SLC2A13: variants seen among roughly 807,000 people sequenced by gnomAD.
SLC2A13 encodes the protein solute carrier family 2 member 13.
Under a neutral mutation model 64.4 loss-of-function variants are expected in SLC2A13, and 32 were observed. The ratio of observed to expected loss-of-function variants is 0.50; its 90% CI spans 0.37 to 0.67. The LOEUF (loss-of-function observed/expected upper bound fraction) is 0.67, where lower values mean the gene tolerates loss of function less well. SLC2A13 is among the 30% of genes least tolerant of loss of function. The probability of loss-of-function intolerance (pLI) is 0.00; values close to 1 mark genes in which losing one functional copy is unlikely to be tolerated. For synonymous variants in SLC2A13, 338 were observed against 327.1 expected (o/e 1.03, Z -0.36); for missense variants, 743 against 829.2 (o/e 0.90, Z 1.28).
chr12:40,081,526 C>T (rs1468871076), intron 1 of SLC2A13, among the ~76,000 whole-genome samples: 1 of 152,112 alleles, frequency 6.6e-6, no homozygotes, highest in Non-Finnish European at 1.5e-5. Context: ...AGATTTTCAC[C>T]TCTAGAAGAA....
At chr12:39,850,518 T>C (rs779262928) in intron 6 of SLC2A13, among the ~76,000 whole-genome samples, 1 of 152,170 alleles carries the variant, frequency 6.6e-6, no homozygotes, top group Non-Finnish European at 1.5e-5. Flanking sequence ...TCTAGTCATA[T>C]ATAGCAAGCC....
rs550035533 is a variant in SLC2A13, at chr12:39,896,486, A to G, written c.1035-24525T>C. Among the ~76,000 whole-genome samples, 67 of 147,238 alleles carry G rather than the reference A, an allele frequency of 4.6e-4. 1 individual carries two copies. Among genetic ancestry groups the G allele is most frequent in the African/African-American group, 1.6e-3 (62 of 39,704 alleles). On this transcript the variant is annotated intron_variant, in intron 4 of 9. Transcript: ENST00000280871. ...TGTATACATATATGTATATGTGTAT[A>G]TATGTACACATATATGTATGTACAT...
chr12:40,055,976 C>T lies in SLC2A13; in HGVS notation c.557-7766G>A, dbSNP rs1215429205. Among the ~76,000 whole-genome samples, 12 of 149,032 alleles carry T rather than the reference C, an allele frequency of 8.1e-5. No homozygotes were observed. In the East Asian group the frequency reaches 1.8e-3, roughly 22 times the overall value. ...ACTAAGGTACAACACACTCCACAGG[C>T]CAAAAAAAACAAACAAAAAAAAAAC... On this transcript the variant is annotated intron_variant, in intron 1 of 9. Transcript: ENST00000280871.
At chr12:39,971,665 A>G (rs1213203674) in intron 3 of SLC2A13, among the ~76,000 whole-genome samples, 2 of 152,124 alleles carry the variant, frequency 1.3e-5, no homozygotes, top group East Asian at 3.9e-4. Flanking sequence ...GGAACAACAT[A>G]TATGCCTACA....
At chr12:40,056,368 A>C (rs909270378) in intron 1 of SLC2A13, among the ~76,000 whole-genome samples, 1 of 152,208 alleles carries the variant, frequency 6.6e-6, no homozygotes, top group Non-Finnish European at 1.5e-5. Flanking sequence ...TGATGGCAAA[A>C]TAAGAAATTG....
chr12:39,891,299 T>C (rs1214744449), intron 4 of SLC2A13, among the ~76,000 whole-genome samples: 2 of 151,574 alleles, frequency 1.3e-5, no homozygotes, highest in Non-Finnish European at 2.9e-5. Context: ...GCTTCTTTAC[T>C]TTCCTGACTC....
At chr12:39,817,509 T>C (rs1942371116) in intron 7 of SLC2A13, among the ~76,000 whole-genome samples, 1 of 152,174 alleles carries the variant, frequency 6.6e-6, no homozygotes, top group Non-Finnish European at 1.5e-5. Flanking sequence ...GAAATGAAAC[T>C]TTTGCATCAT....
intron 1 of SLC2A13, among the ~76,000 whole-genome samples, chr12:40,052,387 T>A (rs1214690338): frequency 6.6e-6 from 1 of 152,088 alleles, no homozygotes; most frequent in Non-Finnish European, 1.5e-5. Context: ...GTTCTTGAGC[T>A]TTTATCATGC....
intron 7 of SLC2A13, among the ~76,000 whole-genome samples, chr12:39,788,194 ATT>A (rs1941257386): frequency 6.6e-6 from 1 of 152,136 alleles, no homozygotes; most frequent in Non-Finnish European, 1.5e-5. Context: ...ATGCTGTGTC[ATT>A]TTCCTACATT....
chr12:39,877,793 C>A (rs1334294998), intron 4 of SLC2A13, among the ~76,000 whole-genome samples: 1 of 152,140 alleles, frequency 6.6e-6, no homozygotes, highest in African/African-American at 2.4e-5. Context: ...TGAATTTCTT[C>A]TCAAAAAATA....
intron 4 of SLC2A13, among the ~76,000 whole-genome samples, chr12:39,900,969 T>C (rs1945083094): frequency 6.6e-6 from 1 of 152,142 alleles, no homozygotes; most frequent in Admixed American, 6.5e-5. Flanking sequence ...CAAAACAGCA[T>C]GGTACCGGTA....
intron 7 of SLC2A13, among the ~76,000 whole-genome samples, chr12:39,779,248 T>TA (rs1425402043): frequency 6.6e-6 from 1 of 152,118 alleles, no homozygotes; most frequent in Non-Finnish European, 1.5e-5. Context: ...ATAAAATGAG[T>TA]ATGTTGGATG....
rs147214225 is a variant in SLC2A13 at position 39,902,672 on chromosome 12, T to C, written c.1035-30711A>G. 5.3e-3 allele frequency among the ~76,000 whole-genome samples: 800 copies of C among 152,210 alleles called. 9 individuals are homozygous for C. The highest frequency in any genetic ancestry group is 0.018 in the African/African-American group (765 of 41,550). On this transcript the variant is annotated intron_variant, in intron 4 of 9. Coordinates refer to ENST00000280871, the MANE Select transcript of SLC2A13 (RefSeq NM_052885.4). ...AGTGGTAAAGGCTAACTTTTTCTTT[T>C]TGCACTGCCTTATAACTAAAATATC... is the stretch of plus-strand genomic sequence containing the variant.
At chr12:39,997,831 G>A (rs1314721921) in intron 3 of SLC2A13, among the ~76,000 whole-genome samples, 7 of 151,490 alleles carry the variant, frequency 4.6e-5, no homozygotes, top group Non-Finnish European at 8.8e-5. Flanking sequence ...ACTCCATCTC[G>A]AAAAAAAAGA....
At chr12:40,094,744 A>T (rs1938880956) in intron 1 of SLC2A13, among the ~76,000 whole-genome samples, 1 of 152,250 alleles carries the variant, frequency 6.6e-6, no homozygotes, top group South Asian at 2.1e-4. Flanking sequence ...TAACTGAAAG[A>T]TAAAGTGGGG....
intron 1 of SLC2A13, among the ~76,000 whole-genome samples, chr12:40,092,310 A>T (rs1046412458): frequency 1.8e-4 from 28 of 152,220 alleles, no homozygotes; most frequent in African/African-American, 6.5e-4. Context: ...TTAAAATGCA[A>T]TATTAAGACC....
At chr12:39,820,571 G>A (rs1942462901) in intron 7 of SLC2A13, among the ~76,000 whole-genome samples, 1 of 151,980 alleles carries the variant, frequency 6.6e-6, no homozygotes, top group Non-Finnish European at 1.5e-5. Flanking sequence ...TGTGTACAGA[G>A]GCAGCGGTTC....
rs1943868702 is a variant in SLC2A13 at position 39,864,966 on chromosome 12, A to C, written c.1199-84T>G. The C allele has an allele frequency of 2.3e-6, 3 of 1,281,006 alleles. No individual in the cohort carries two copies. The South Asian group carries it at 4.8e-5, about 21-fold the overall frequency. The allele number at this position is 1,281,006 out of a possible 1,614,324, so 79.4% of individuals were successfully genotyped here. A position where few individuals can be genotyped will look rare whatever the true frequency, so the allele number is the denominator to read the frequency against. On this transcript the variant is annotated intron_variant, in intron 5 of 9. Transcript: ENST00000280871. ...TGGGTTTGGTAAAAACAAACCAAAA[A>C]ACAAAGAAACAAACAAAAACTCCTG...
chr12:39,823,008 A>C (rs1339963210), intron 7 of SLC2A13, among the ~76,000 whole-genome samples: 1 of 152,168 alleles, frequency 6.6e-6, no homozygotes, highest in African/African-American at 2.4e-5. Context: ...ATAGTCACTA[A>C]ATCCAAGGGA....
Sources: gnomAD v4.1 joint callset for allele counts (sites outside exome capture counted in the v4.1 genomes callset) on GRCh38, gnomAD v4.1.1 for gene constraint, MANE v1.5 for transcripts, NCBI Gene and HGNC (gene_info 2026-07-23, HGNC 2026-07-21) for gene names.